The following LACTBL1 variants were observed in gnomAD, a reference collection of about 807,000 sequenced individuals.
LACTBL1 encodes beta-lactamase-like protein 1.
Under a neutral mutation model 39.6 loss-of-function variants are expected in LACTBL1, and 29 were observed. The ratio of observed to expected loss-of-function variants is 0.73; its 90% CI spans 0.55 to 1.00. The LOEUF is 1.00. Ranked by LOEUF, LACTBL1 falls within the 50% of genes least tolerant of loss-of-function variation. The pLI is 0.00. For missense variants in LACTBL1, 711 were observed against 748.5 expected (o/e 0.95, Z 0.59); for synonymous variants, 361 against 360.7 (o/e 1.00, Z -0.01).
exon 6 of LACTBL1, chr1:22,953,870 G>A (rs1427121172): frequency 7.1e-6 from 11 of 1,548,968 alleles, no homozygotes; most frequent in East Asian, 2.4e-5. Flanking sequence ...GCGGCCAGGC[G>A]CGCGCGCACG....
chr1:22,953,429 C>T (rs1442245635), exon 6 of LACTBL1: 3 of 1,227,474 alleles, frequency 2.4e-6, no homozygotes, highest in East Asian at 3.2e-5. Context: ...GGAGCCGGGC[C>T]GGGCTCGGCC....
intron 1 of LACTBL1, among the ~76,000 whole-genome samples, chr1:22,964,711 G>T (rs1640859864): frequency 6.6e-6 from 1 of 152,220 alleles, no homozygotes; most frequent in African/African-American, 2.4e-5. Context: ...TAGAGCCTAG[G>T]CTTTGCTCAG....
chr1:22,959,825 T>C (rs746608806), intron 3 of LACTBL1, 117 bp downstream of exon 5: 84 of 1,221,098 alleles, frequency 6.9e-5, no homozygotes, highest in Non-Finnish European at 9.0e-5. Flanking sequence ...GACTTCATAA[T>C]AGGCCCTGGC....
At chr1:22,960,246 C>T in intron 2 of LACTBL1, 147 bp from the exon 5 acceptor site, 1 of 806,482 alleles carries the variant, frequency 1.2e-6, no homozygotes, top group Admixed American at 2.8e-5. Flanking sequence ...GGGGCCCCCA[C>T]TGTTGGGCTT....
At chr1:22,962,320 C>T (rs747151602) in intron 2 of LACTBL1, among the ~76,000 whole-genome samples, 8 of 152,122 alleles carry the variant, frequency 5.3e-5, no homozygotes, top group Non-Finnish European at 7.4e-5. Flanking sequence ...ACTCAACAGC[C>T]CTTTCCCTTT....
chr1:22,965,343 A>T (rs961806827), upstream of LACTBL1: 93 of 1,289,418 alleles, frequency 7.2e-5, no homozygotes, highest in Non-Finnish European at 8.9e-5. Context: ...AGTCATGACC[A>T]CTGAGAGCAG....
At chr1:22,966,706 G>A (rs1031532045), upstream of LACTBL1, among the ~76,000 whole-genome samples, 12 of 152,064 alleles carry the variant, frequency 7.9e-5, no homozygotes, top group Non-Finnish European at 1.6e-4. Context: ...ACTGCCTTCC[G>A]AGCATTTCCA....
chr1:22,953,622 CTGCGCG>C, exon 6 of LACTBL1: 1 of 1,265,930 alleles, frequency 7.9e-7, no homozygotes, highest in Non-Finnish European at 9.9e-7. Flanking sequence ...GGTAGCCCCG[CTGCGCG>C]TGGAACTCCC....
intron 4 of LACTBL1, 71 bp from the exon 7 acceptor site, chr1:22,955,497 CCTCCCCA>C: frequency 1.1e-6 from 1 of 919,096 alleles, no homozygotes; most frequent in Non-Finnish European, 1.7e-6. Context: ...GGGTGCACTC[CCTCCCCA>C]CCTTCCGTGA....
upstream of LACTBL1, among the ~76,000 whole-genome samples, chr1:22,969,229 T>G (rs538489830): frequency 6.6e-6 from 1 of 152,152 alleles, no homozygotes; most frequent in Non-Finnish European, 1.5e-5. Context: ...GAAATAGAGG[T>G]TTTTGTACTT....
chr1:22,955,198 T>C, intron 5 of LACTBL1, 123 bp downstream of exon 7: 3 of 702,480 alleles, frequency 4.3e-6, no homozygotes, highest in South Asian at 1.9e-5. Context: ...CCTTTGCAGC[T>C]GGGGAGCAGG....
the LACTBL1 span, among the ~76,000 whole-genome samples, chr1:22,971,632 G>A: frequency 3.3e-5 from 5 of 152,240 alleles, no homozygotes; most frequent in East Asian, 1.9e-4. Context: ...AACAATCCCC[G>A]AGGGCTTGCT....
intron 2 of LACTBL1, 86 bp downstream of exon 4, chr1:22,963,021 G>T: frequency 1.7e-6 from 1 of 572,572 alleles, no homozygotes. Flanking sequence ...ATGAATGAAT[G>T]CCACTGCCAG....
intron 4 of LACTBL1, 132 bp downstream of exon 6, chr1:22,958,553 C>A: frequency 1.4e-6 from 1 of 700,626 alleles, no homozygotes; most frequent in East Asian, 2.8e-5. Context: ...CACCCACATC[C>A]CATGAGAGGG....
intron 2 of LACTBL1, among the ~76,000 whole-genome samples, chr1:22,961,669 GT>G (rs1301232732): frequency 6.7e-6 from 1 of 149,572 alleles, no homozygotes; most frequent in African/African-American, 2.5e-5. Flanking sequence ...TGGCCCCTAC[GT>G]CTTAATTAAC....
the LACTBL1 span, chr1:22,972,345 CTT>C: frequency 9.1e-6 from 9 of 985,080 alleles, no homozygotes; most frequent in Non-Finnish European, 1.2e-6. Context: ...GATTCTGGCT[CTT>C]TGAGGATTCA....
At chr1:22,962,862 G>T (rs935957581) in intron 2 of LACTBL1, among the ~76,000 whole-genome samples, 3 of 152,118 alleles carry the variant, frequency 2.0e-5, no homozygotes, top group African/African-American at 4.8e-5. Context: ...CCTCACTCTT[G>T]CCCCAGGATT....
At chr1:22,955,324 G>T in exon 5 of LACTBL1, 1 of 1,550,234 alleles carries the variant, frequency 6.5e-7, no homozygotes, top group East Asian at 2.4e-5. Flanking sequence ...TCCTCACCTG[G>T]TTCCCGGGTC....
In LACTBL1 at chr1:22,963,234, T is replaced by C; in HGVS notation, c.50-18A>G. 1 of 1,285,644 alleles carries C rather than the reference T, an allele frequency of 7.8e-7. No individual in the cohort carries two copies. Among genetic ancestry groups the C allele is most frequent in the South Asian group, 2.1e-5 (1 of 48,114 alleles). The allele number at this position is 1,285,644 out of a possible 1,614,324, so 79.6% of individuals were successfully genotyped here. On this transcript the variant is annotated intron_variant, in intron 1 of 5. Transcript: ENST00000426928. The stretch of plus-strand genomic sequence containing the variant: ...CAGGGAACCTGGAGGGAACATCACA[T>C]GGTGAGGAGGGGACAGAGATCAGGA...
Sources: allele counts gnomAD v4.1 joint callset (sites outside exome capture counted in the v4.1 genomes callset), GRCh38; gene constraint gnomAD v4.1.1; transcripts MANE v1.5; gene names NCBI Gene and HGNC (gene_info 2026-07-23, HGNC 2026-07-21).